The following ABCG2 variants were observed in gnomAD, a reference collection of about 807,000 sequenced individuals.
ABCG2 encodes the protein ATP binding cassette subfamily G member 2 (JR blood group), also known as broad substrate specificity ATP-binding cassette transporter ABCG2.
Under a neutral mutation model 73.5 loss-of-function variants are expected in ABCG2, and 80 were observed. The ratio of observed to expected loss-of-function variants is 1.09; its 90% CI spans 0.91 to 1.31. The LOEUF (loss-of-function observed/expected upper bound fraction) is 1.31, where lower values mean the gene tolerates loss of function less well. ABCG2 is among the 50% of genes most tolerant of loss of function. ABCG2 has a pLI of 0.00. For synonymous variants in ABCG2, 269 were observed against 282.4 expected, an observed-to-expected ratio of 0.95 and a Z score of 0.48; for missense variants, 796 against 786.2, an observed-to-expected ratio of 1.01 and a Z score of -0.15.
intron 1 of ABCG2, among the ~76,000 whole-genome samples, chr4:88,220,142 A>G (rs1433303310): frequency 1.3e-5 from 2 of 152,192 alleles, no homozygotes; most frequent in African/African-American, 4.8e-5. Flanking sequence ...TTCATGCTGC[A>G]GTCAGAATTT....
chr4:88,168,304 T>C (rs758981200), intron 1 of ABCG2, among the ~76,000 whole-genome samples: 1 of 152,074 alleles, frequency 6.6e-6, no homozygotes, highest in Non-Finnish European at 1.5e-5. Context: ...CTGGCCAACA[T>C]GGTGAAACCC....
At chr4:88,149,426 C>G (rs1331152131) in intron 1 of ABCG2, among the ~76,000 whole-genome samples, 9 of 152,172 alleles carry the variant, frequency 5.9e-5, no homozygotes, top group Non-Finnish European at 1.3e-4. Context: ...TGTTCAAATC[C>G]TAAGGCTGCC....
chr4:88,165,079 G>A lies in ABCG2; in HGVS notation c.-19-25065C>T, dbSNP rs12331937. 8.8e-3 allele frequency among the ~76,000 whole-genome samples: 1,335 copies of A among 152,248 alleles called. 21 individuals are homozygous for A. Among genetic ancestry groups the A allele is most frequent in the African/African-American group, 0.031 (1,268 of 41,546 alleles). On this transcript the variant is annotated intron_variant, in intron 1 of 15. Transcript: ENST00000515655. Reference sequence around the variant, plus strand: ...TAGGTGTGAGCCACCACATCTGGCCGAGGTAAATGTTTTAATTAGAGAAAA... The same window carrying A: ...TAGGTGTGAGCCACCACATCTGGCCAAGGTAAATGTTTTAATTAGAGAAAA...
At position 88,095,501 on chromosome 4, in the gene ABCG2, A is replaced by T. The variant is rs1406260450; in HGVS notation, c.1737+19T>A. 1 of 1,599,098 alleles carries T rather than the reference A, an allele frequency of 6.3e-7. No individual in the cohort carries two copies. Among genetic ancestry groups the T allele is most frequent in the South Asian group, 1.1e-5 (1 of 90,686 alleles). On this transcript the variant is annotated intron_variant, in intron 14 of 15. Coordinates refer to ENST00000237612, the MANE Select transcript of ABCG2 (RefSeq NM_004827.3). ...CTAGCTTGGGAATGCAGTCACAGTG[A>T]CAGACAAGGAAGACATACCGTAAAT...
chr4:88,226,890 T>A (rs1730238067), intron 1 of ABCG2: 1 of 152,128 alleles, frequency 6.6e-6, no homozygotes, highest in African/African-American at 2.4e-5. Context: ...GGTGGGAGAA[T>A]CATTTGAGCC....
At chr4:88,185,254 C>G (rs1728405547) in intron 1 of ABCG2, among the ~76,000 whole-genome samples, 1 of 152,134 alleles carries the variant, frequency 6.6e-6, no homozygotes, top group African/African-American at 2.4e-5. Context: ...ATCCCAGCTA[C>G]TCGTGAGGCT....
intron 1 of ABCG2, among the ~76,000 whole-genome samples, chr4:88,172,581 G>GA (rs35070245): frequency 0.68 from 96,647 of 142,200 alleles, 34,940 homozygotes; most frequent in East Asian, 0.86. Flanking sequence ...CTGTCTCAGG[G>GA]AAAAAAAAAA....
intron 2 of ABCG2, among the ~76,000 whole-genome samples, chr4:88,137,600 C>T (rs779374808): frequency 2.6e-5 from 4 of 152,188 alleles, no homozygotes; most frequent in Non-Finnish European, 4.4e-5. Context: ...GGACCTACCA[C>T]GACCTTCATT....
intron 1 of ABCG2, among the ~76,000 whole-genome samples, chr4:88,193,027 A>T (rs1728760184): frequency 6.6e-6 from 1 of 152,100 alleles, no homozygotes; most frequent in South Asian, 2.1e-4. Flanking sequence ...CTATTTTTTT[A>T]AAAGCCAATA....
At chr4:88,211,277 A>C (rs1729578561) in intron 1 of ABCG2, among the ~76,000 whole-genome samples, 1 of 150,322 alleles carries the variant, frequency 6.7e-6, no homozygotes, top group African/African-American at 2.5e-5. Context: ...AGCAGATTGC[A>C]TACTGGTGGG....
chr4:88,094,675 G>A lies in ABCG2; in HGVS notation c.1738-16C>T. 6.9e-6 allele frequency: 11 copies of A among 1,600,026 alleles called. No individual in the cohort carries two copies. Among genetic ancestry groups the A allele is most frequent in the Non-Finnish European group, 9.4e-6 (11 of 1,167,176 alleles). On this transcript the variant is annotated splice_polypyrimidine_tract_variant and intron_variant, in intron 14 of 15. Coordinates refer to ENST00000237612, the MANE Select transcript of ABCG2 (RefSeq NM_004827.3). ...GCTGCAAAGCCTATAACACAAGTGG[G>A]AGCAGGGCAAGGTAAACAGTTTTAA...
chr4:88,165,421 C>T (rs1727476425), intron 1 of ABCG2, among the ~76,000 whole-genome samples: 1 of 152,210 alleles, frequency 6.6e-6, no homozygotes, highest in African/African-American at 2.4e-5. Context: ...GGCTCTTGGC[C>T]TCTTTCTCCA....
At chr4:88,146,624 C>T (rs1347293390) in intron 1 of ABCG2, among the ~76,000 whole-genome samples, 2 of 152,112 alleles carry the variant, frequency 1.3e-5, no homozygotes, top group Non-Finnish European at 2.9e-5. Flanking sequence ...GAACTCCCAA[C>T]CTCAGGTGAT....
rs1466205210 is a variant in ABCG2 at position 88,214,010 on chromosome 4, CAG to C, written c.-20+16982_-20+16983del. 4.9e-3 allele frequency among the ~76,000 whole-genome samples: 370 copies of C among 76,076 alleles called. 3 individuals are homozygous for C. Among genetic ancestry groups the C allele is most frequent in the African/African-American group, 0.017 (355 of 20,964 alleles). 49.9% of individuals were successfully genotyped at this position (76,076 alleles called of 152,430 possible). On this transcript the variant is annotated intron_variant, in intron 1 of 15. Transcript: ENST00000515655. ...TTTTTTTTTTTTTTTTTTTTTGAGA[CAG>C]AGTCTCATTCTGTCGCCCAGGTTAG... is the stretch of plus-strand genomic sequence containing the variant.
upstream of ABCG2, among the ~76,000 whole-genome samples, chr4:88,160,078 A>G (rs1727221183): frequency 6.6e-6 from 1 of 152,018 alleles, no homozygotes. Flanking sequence ...CCCTGCCTCT[A>G]CTAAAAATAC....
rs5860122 is a variant in ABCG2 at position 88,219,576 on chromosome 4, A to ATTTTT, written c.-20+11413_-20+11417dup. On this transcript the variant is annotated intron_variant, in intron 1 of 15. Transcript: ENST00000515655. ...CATAATATAAAAATGTACCATTCAA[A>ATTTTT]TTTTTTTTTTTTTTTTTTTTTTTGA... Among the ~76,000 whole-genome samples, 654 of 90,842 alleles carry ATTTTT rather than the reference A, an allele frequency of 7.2e-3. 10 individuals carry two copies. Among genetic ancestry groups the ATTTTT allele is most frequent in the Non-Finnish European group, 9.5e-3 (484 of 51,062 alleles). The allele number at this position is 90,842 out of a possible 152,430, so 59.6% of individuals were successfully genotyped here.
At chr4:88,101,495 T>C (rs1171957974) in intron 10 of ABCG2, among the ~76,000 whole-genome samples, 176 bp from the exon 11 acceptor site, 1 of 152,166 alleles carries the variant, frequency 6.6e-6, no homozygotes, top group East Asian at 1.9e-4. Flanking sequence ...CCCCATCTCT[T>C]ATGTCTCCAC....
chr4:88,108,887 A>T (rs1012367883), intron 9 of ABCG2, among the ~76,000 whole-genome samples: 1 of 152,244 alleles, frequency 6.6e-6, no homozygotes, highest in African/African-American at 2.4e-5. Context: ...ATATACTTCA[A>T]CAGACCAAGC....
chr4:88,099,277 T>C (rs1175763149), intron 12 of ABCG2, 47 bp downstream of exon 12: 6 of 1,495,714 alleles, frequency 4.0e-6, no homozygotes, highest in Admixed American at 2.3e-5. Flanking sequence ...ACTTCACCCA[T>C]AGGCAAGACT....
Sources: gnomAD v4.1 joint callset for allele counts (sites outside exome capture counted in the v4.1 genomes callset) on GRCh38, gnomAD v4.1.1 for gene constraint, MANE v1.5 for transcripts, NCBI Gene and HGNC (gene_info 2026-07-23, HGNC 2026-07-21) for gene names.